CACNA2D2: variants seen among roughly 807,000 people sequenced by gnomAD.
The protein encoded by CACNA2D2 is calcium voltage-gated channel auxiliary subunit alpha2delta 2, also known as voltage-dependent calcium channel subunit alpha-2/delta-2.
CACNA2D2 carries 48 observed loss-of-function variants against 166.4 expected under a neutral mutation model. The observed-to-expected ratio is 0.29, with a 90% CI of 0.23 to 0.37. CACNA2D2 has a LOEUF of 0.37. CACNA2D2 is among the 10% of genes least tolerant of loss of function. The probability of loss-of-function intolerance (pLI) is 1.00; values close to 1 mark genes in which losing one functional copy is unlikely to be tolerated. For missense variants in CACNA2D2, 1,122 were observed against 1,433.0 expected, an observed-to-expected ratio of 0.78 and a Z score of 3.50; for synonymous variants, 561 against 573.7, an observed-to-expected ratio of 0.98 and a Z score of 0.32.
At chr3:50,434,039 G>C (rs1039935283) in intron 3 of CACNA2D2, among the ~76,000 whole-genome samples, 6 of 152,314 alleles carry the variant, frequency 3.9e-5, no homozygotes, top group Non-Finnish European at 7.4e-5. Flanking sequence ...CCCGGAAGGA[G>C]GGAGGGGTAG....
chr3:50,389,780 G>A (rs1705797331), intron 4 of CACNA2D2, among the ~76,000 whole-genome samples: 1 of 152,222 alleles, frequency 6.6e-6, no homozygotes, highest in African/African-American at 2.4e-5. Context: ...TGACAGATGA[G>A]GCTCAGGATT....
At chr3:50,400,104 T>C (rs889381331) in intron 3 of CACNA2D2, among the ~76,000 whole-genome samples, 4 of 152,232 alleles carry the variant, frequency 2.6e-5, no homozygotes, top group African/African-American at 9.6e-5. Flanking sequence ...TCCAGAGCTG[T>C]TATGGTCTAA....
intron 2 of CACNA2D2, among the ~76,000 whole-genome samples, chr3:50,448,538 C>T (rs1575702404): frequency 6.6e-6 from 1 of 152,116 alleles, no homozygotes; most frequent in East Asian, 1.9e-4. Flanking sequence ...TATCCTGGTG[C>T]CTGTGTGTCG....
At chr3:50,401,373 CA>C (rs1039093173) in intron 3 of CACNA2D2, among the ~76,000 whole-genome samples, 4 of 152,198 alleles carry the variant, frequency 2.6e-5, no homozygotes, top group African/African-American at 9.7e-5. Context: ...CCAGGCTTGA[CA>C]CCTCCCTGTG....
intron 2 of CACNA2D2, among the ~76,000 whole-genome samples, chr3:50,452,037 A>G (rs556207684): frequency 2.0e-5 from 3 of 152,124 alleles, no homozygotes; most frequent in Non-Finnish European, 4.4e-5. Context: ...TCATCCCCTC[A>G]CTGCCAAGGG....
At chr3:50,390,827 C>T (rs1559903149) in intron 4 of CACNA2D2, among the ~76,000 whole-genome samples, 2 of 152,252 alleles carry the variant, frequency 1.3e-5, no homozygotes, top group Admixed American at 6.5e-5. Context: ...ACGGGGTGAG[C>T]GGGGGAAGGA....
At position 50,374,798 on chromosome 3, in the gene CACNA2D2, G is replaced by A. The variant is rs758048696; in HGVS notation, c.1923C>T (p.Leu641=). Residue 641 remains leucine (L), a synonymous_variant, in exon 22 of 38, where the codon CTC becomes CTT. Transcript: ENST00000424201. ...GGAGGTAGAAGGTGCTGTAGGGTGG[G>A]AGCACCAGCCCCAGGCTGAGGGGGG... ...RSTNYSLGLV[L]PPYSTFYLQA... is the part of the protein sequence containing the mutation. 18 of 1,592,914 alleles carry A rather than the reference G, an allele frequency of 1.1e-5. No homozygotes were observed. The highest frequency in any genetic ancestry group is 1.5e-5 in the Non-Finnish European group (18 of 1,170,748).
In CACNA2D2 at chr3:50,375,316, G is replaced by A. The variant is rs958371746; in HGVS notation, c.1907+328C>T. Among the ~76,000 whole-genome samples, 5 of 152,302 alleles carry A rather than the reference G, an allele frequency of 3.3e-5. No individual in the cohort carries two copies. Among genetic ancestry groups the A allele is most frequent in the Middle Eastern group, 6.8e-3 (2 of 294 alleles). ...CAGGATGGACTAGCTGTGTGGGGCA[G>A]GCAGAGGTCAGCCTGCACTGACCCA... is the stretch of plus-strand genomic sequence containing the variant. On this transcript the variant is annotated intron_variant, in intron 21 of 37. Transcript: ENST00000424201. This position sits in a 1 kb window ranked among gnomAD's most constrained non-coding sequence, Gnocchi z 4.0.
intron 3 of CACNA2D2, chr3:50,416,300 G>GT (rs1439001899): frequency 5.2e-5 from 8 of 152,454 alleles, no homozygotes; most frequent in Admixed American, 5.2e-4. Flanking sequence ...AGGATGCAGC[G>GT]TGAGGGGAGA....
At chr3:50,372,464 T>G (rs1206873263) in intron 22 of CACNA2D2, among the ~76,000 whole-genome samples, 1 of 152,240 alleles carries the variant, frequency 6.6e-6, no homozygotes, top group African/African-American at 2.4e-5. Flanking sequence ...GGGTCAGCCC[T>G]GCTCTTCAAT....
chr3:50,367,017 G>C lies in CACNA2D2; in HGVS notation c.2494C>G (p.Pro832Ala). The C allele has an allele frequency of 1.2e-6, 2 of 1,613,692 alleles. No homozygotes were observed. The highest frequency in any genetic ancestry group is 4.5e-5 in the East Asian group (2 of 44,878). Residue 832 changes from proline to alanine, a missense_variant, in exon 28 of 38, where the codon CCA (proline) becomes GCA (alanine). This residue lies in a region of CACNA2D2 where 840 missense variants were observed against 1,166.8 expected (regional missense o/e 0.72). Transcript: ENST00000424201. The surrounding 1 kb of genome is among the most constrained non-coding windows in gnomAD (Gnocchi z 6.5). ...CTCTGTCCCAAACATTCACCTGCTGGCCTCAGTGTGCGCCTGCCTAGGCTG... is the reference window on the plus strand; with the variant it reads ...CTCTGTCCCAAACATTCACCTGCTGCCCTCAGTGTGCGCCTGCCTAGGCTG... ...ELSLGRRTLR[P>A]AVVGVKLDLE... is the part of the protein sequence containing the mutation.
chr3:50,503,102 A>T (rs1303686704), intron 1 of CACNA2D2, 116 bp downstream of exon 1: 1 of 506,024 alleles, frequency 2.0e-6, no homozygotes, highest in African/African-American at 2.1e-5. Context: ...CGCAGCGGGC[A>T]GCCGGACCCA....
Position 50,451,854 on chromosome 3 carries a change from C to T in CACNA2D2, c.289-17425G>A, listed in dbSNP as rs965930524. 2.6e-5 allele frequency among the ~76,000 whole-genome samples: 4 copies of T among 152,134 alleles called. No homozygotes were observed. The East Asian group carries it at 5.8e-4, about 22-fold the overall frequency. The stretch of plus-strand genomic sequence containing the variant: ...CCTAACCAACCCCAGGAGGTGGAGG[C>T]GTGGCAATGGTCCATTTTGCAGGTG... On this transcript the variant is annotated intron_variant, in intron 2 of 37. Coordinates refer to ENST00000424201, the MANE Select transcript of CACNA2D2 (RefSeq NM_006030.4).
At position 50,377,725 on chromosome 3, in the gene CACNA2D2, T is replaced by C. The variant is rs1490543730; in HGVS notation, c.1551+7A>G. 6.2e-7 allele frequency: 1 copy of C among 1,610,384 alleles called. No individual in the cohort carries two copies. The highest frequency in any genetic ancestry group is 1.3e-5 in the African/African-American group (1 of 74,998). On this transcript the variant is annotated splice_region_variant and intron_variant, in intron 16 of 37. Coordinates refer to ENST00000424201, the MANE Select transcript of CACNA2D2 (RefSeq NM_006030.4). The stretch of plus-strand genomic sequence containing the variant: ...CACCCATAGCCCCAACCCTCCCCTT[T>C]CCTCACCTTCTTTTCCCCAGGGCCA...
rs1704105085 is a variant in CACNA2D2, at chr3:50,364,577, G to A, written c.*89C>T. ...AGGTCCTTCAGTGAGGGAGGGACGA[G>A]GCTCTAAGGCGGGGAGTGTGGGGCA... On this transcript the variant is annotated 3_prime_UTR_variant, in exon 38 of 38. Transcript: ENST00000424201. 1 of 1,391,138 alleles carries A rather than the reference G, an allele frequency of 7.2e-7. No individual in the cohort carries two copies. The allele number at this position is 1,391,138 out of a possible 1,614,324, so 86.2% of individuals were successfully genotyped here. A position where few individuals can be genotyped will look rare whatever the true frequency, so the allele number is the denominator to read the frequency against.
intron 3 of CACNA2D2, among the ~76,000 whole-genome samples, chr3:50,394,760 C>T (rs1044057488): frequency 6.6e-6 from 1 of 152,250 alleles, no homozygotes; most frequent in Non-Finnish European, 1.5e-5. Flanking sequence ...CAGAATGTCC[C>T]TCAGGGCATA....
In CACNA2D2 at chr3:50,365,873, G is replaced by C; in HGVS notation, c.2863-11C>G. On this transcript the variant is annotated splice_polypyrimidine_tract_variant and intron_variant, in intron 32 of 37. Coordinates refer to ENST00000424201, the MANE Select transcript of CACNA2D2 (RefSeq NM_006030.4). This position sits in a 1 kb window ranked among gnomAD's most constrained non-coding sequence, Gnocchi z 4.5. Reference sequence around the variant, plus strand: ...ATCTGCAACGGTGGGCTGCAGTGGAGAGAGGGGCGTGGACTGCCACTGCTG... The same window carrying C: ...ATCTGCAACGGTGGGCTGCAGTGGACAGAGGGGCGTGGACTGCCACTGCTG... 1.2e-6 allele frequency: 2 copies of C among 1,613,034 alleles called. No homozygotes were observed. The highest frequency in any genetic ancestry group is 1.7e-6 in the Non-Finnish European group (2 of 1,179,968).
Position 50,364,324 on chromosome 3 carries a change from A to G in CACNA2D2, c.*342T>C. 1 of 307,250 alleles carries G rather than the reference A, an allele frequency of 3.3e-6. No homozygotes were observed. The highest frequency in any genetic ancestry group is 6.0e-6 in the Non-Finnish European group (1 of 166,112). 19.0% of individuals were successfully genotyped at this position (307,250 alleles called of 1,614,324 possible). ...GTCAGCTGAGGCAGGGTCCCCCCCA[A>G]CATAGGCAGCCTCCAGGAAGGGCGG... On this transcript the variant is annotated 3_prime_UTR_variant, in exon 38 of 38. Transcript: ENST00000424201.
At chr3:50,382,452 C>A (rs587738636) in intron 6 of CACNA2D2, among the ~76,000 whole-genome samples, 1 of 152,220 alleles carries the variant, frequency 6.6e-6, no homozygotes, top group African/African-American at 2.4e-5. Context: ...CTCCCTCGGG[C>A]GGCCCCTCTG....
Sources: gnomAD v4.1 joint callset for allele counts (sites outside exome capture counted in the v4.1 genomes callset) on GRCh38, gnomAD v4.1.1 for gene constraint, gnomAD v4.1.1 regional missense constraint, Gnocchi (gnomAD v3.1) non-coding constraint, MANE v1.5 for transcripts, NCBI Gene and HGNC (gene_info 2026-07-23, HGNC 2026-07-21) for gene names.